GRID1: variants seen among roughly 807,000 people sequenced by gnomAD.
The protein encoded by GRID1 is glutamate ionotropic receptor delta type subunit 1.
GRID1 carries 28 observed loss-of-function variants against 98.0 expected under a neutral mutation model. That is an observed-to-expected ratio of 0.29 (90% confidence interval 0.21 to 0.39). GRID1 has a LOEUF of 0.39. Among genes scored for constraint, GRID1 ranks in the 10% least tolerant of loss-of-function variants. GRID1 has a pLI of 1.00. For synonymous variants in GRID1, 553 were observed against 538.5 expected (o/e 1.03, Z -0.37); for missense variants, 1,111 against 1,340.5 (o/e 0.83, Z 2.67).
chr10:85,985,668 G>T (rs1842600547), intron 4 of GRID1, among the ~76,000 whole-genome samples: 1 of 152,180 alleles, frequency 6.6e-6, no homozygotes, highest in South Asian at 2.1e-4. Context: ...CCTCCTGGTT[G>T]GGCAGCTGTC....
intron 8 of GRID1, among the ~76,000 whole-genome samples, chr10:85,845,926 TA>T (rs1171914535): frequency 6.6e-6 from 1 of 152,146 alleles, no homozygotes; most frequent in Non-Finnish European, 1.5e-5. Flanking sequence ...AAAACCTAAT[TA>T]AGGGCATTAG....
intron 7 of GRID1, among the ~76,000 whole-genome samples, chr10:85,854,903 T>C (rs1843094632): frequency 6.6e-6 from 1 of 152,122 alleles, no homozygotes; most frequent in African/African-American, 2.4e-5. Flanking sequence ...ATGCTAGCCA[T>C]GAGATTAAAC....
intron 5 of GRID1, among the ~76,000 whole-genome samples, chr10:85,888,269 C>A (rs1044849984): frequency 6.6e-6 from 1 of 152,206 alleles, no homozygotes; most frequent in Non-Finnish European, 1.5e-5. Context: ...CATCCACCTC[C>A]TCCATCACAG....
intron 15 of GRID1, among the ~76,000 whole-genome samples, chr10:85,607,850 C>T (rs1212773616): frequency 6.7e-6 from 1 of 149,332 alleles, no homozygotes; most frequent in Non-Finnish European, 1.5e-5. Flanking sequence ...CAGGGTCTCC[C>T]TCTGTCACCC....
chr10:85,992,299 C>A (rs563368674), intron 4 of GRID1, among the ~76,000 whole-genome samples: 9 of 152,286 alleles, frequency 5.9e-5, no homozygotes, highest in African/African-American at 2.2e-4. Flanking sequence ...TCTACAGCAA[C>A]ACTCAGCACT....
At chr10:86,278,657 A>T (rs1312654109) in intron 2 of GRID1, among the ~76,000 whole-genome samples, 1 of 152,208 alleles carries the variant, frequency 6.6e-6, no homozygotes, top group Non-Finnish European at 1.5e-5. Flanking sequence ...ATAAGAATAA[A>T]CTCATCAGCA....
At position 85,624,587 on chromosome 10, in the gene GRID1, G is replaced by C. The variant is rs572566027; in HGVS notation, c.2194-4554C>G. Among the ~76,000 whole-genome samples the C allele has an allele frequency of 2.0e-4, 30 of 152,332 alleles. No individual in the cohort carries two copies. In the South Asian group the frequency reaches 6.0e-3, roughly 31 times the overall value. On this transcript the variant is annotated intron_variant, in intron 13 of 15. Transcript: ENST00000327946. ...ACGTATTTGCAGATCATCTAAGAAAGTAGAGGTCTGAAAACTAATATGTGT... is the reference window on the plus strand; with the variant it reads ...ACGTATTTGCAGATCATCTAAGAAACTAGAGGTCTGAAAACTAATATGTGT...
chr10:86,067,776 T>G (rs980791411), intron 4 of GRID1, among the ~76,000 whole-genome samples: 1 of 152,172 alleles, frequency 6.6e-6, no homozygotes, highest in Non-Finnish European at 1.5e-5. Context: ...ACTCCAGCCC[T>G]TTAGCCTCAA....
chr10:86,051,375 T>C (rs973309502), intron 4 of GRID1, among the ~76,000 whole-genome samples: 1 of 149,698 alleles, frequency 6.7e-6, no homozygotes, highest in African/African-American at 2.4e-5. Flanking sequence ...ATAAAAATAC[T>C]TGTAAGAAAA....
In GRID1 at chr10:86,167,386, G is replaced by C. The variant is rs1292858864; in HGVS notation, c.521-28362C>G. Among the ~76,000 whole-genome samples, 3 of 152,186 alleles carry C rather than the reference G, an allele frequency of 2.0e-5. No homozygotes were observed. In the East Asian group the frequency reaches 5.8e-4, roughly 29 times the overall value. On this transcript the variant is annotated intron_variant, in intron 3 of 15. Transcript: ENST00000327946. ...AGAAGGAACCACCGAGCTGGTCCCA[G>C]AATATGTGCTTGCCCACTCTGGAAG...
At chr10:85,841,118 A>G (rs1842957483) in intron 8 of GRID1, among the ~76,000 whole-genome samples, 6 of 152,238 alleles carry the variant, frequency 3.9e-5, no homozygotes, top group Admixed American at 3.9e-4. Flanking sequence ...CCAAATCAGC[A>G]TGGTACTGGT....
chr10:85,653,284 C>A (rs1840852167), intron 12 of GRID1, among the ~76,000 whole-genome samples: 1 of 152,098 alleles, frequency 6.6e-6, no homozygotes, highest in African/African-American at 2.4e-5. Flanking sequence ...AAGGGTGAGC[C>A]AAAATGATGG....
At position 85,727,964 on chromosome 10, in the gene GRID1, G is replaced by T; in HGVS notation, c.1424C>A (p.Ala475Asp). ...GFSIDVLDAL[A>D]KALGFKYEIY... is the part of the protein sequence containing the mutation. ...CTCATATTTAAAGCCCAGAGCCTTG[G>T]CCAGTGCATCCAGGACATCTATGGA... The change falls in exon 10 of 16, where the codon GCC (alanine) becomes GAC (aspartate). Residue 475 changes from alanine (A) to aspartate (D), a missense_variant. Coordinates refer to ENST00000327946, the MANE Select transcript of GRID1 (RefSeq NM_017551.3). 1 of 1,613,650 alleles carries T rather than the reference G, an allele frequency of 6.2e-7. No individual in the cohort carries two copies. The highest frequency in any genetic ancestry group is 1.3e-5 in the African/African-American group (1 of 74,988).
At chr10:86,160,128 C>G (rs1564693120) in intron 3 of GRID1, among the ~76,000 whole-genome samples, 1 of 152,146 alleles carries the variant, frequency 6.6e-6, no homozygotes, top group East Asian at 1.9e-4. Context: ...AAGCCCTCAA[C>G]TGGGGGATTA....
At chr10:85,940,093 G>A (rs12416088) in intron 4 of GRID1, among the ~76,000 whole-genome samples, 2,658 of 149,672 alleles carry the variant, frequency 0.018, 34 homozygotes, top group Admixed American at 0.035. Flanking sequence ...AAAAAAGAGA[G>A]AGAGAGAGAC....
At chr10:85,880,706 C>A (rs922524772) in intron 5 of GRID1, among the ~76,000 whole-genome samples, 1 of 152,040 alleles carries the variant, frequency 6.6e-6, no homozygotes, top group African/African-American at 2.4e-5. Context: ...CCTTTGAAAA[C>A]TGGCACAAGA....
intron 12 of GRID1, among the ~76,000 whole-genome samples, chr10:85,661,169 ATT>A (rs1261011218): frequency 8.0e-5 from 11 of 137,098 alleles, no homozygotes; most frequent in East Asian, 2.1e-4. Flanking sequence ...TTGAATCTGC[ATT>A]TTTTTTTTTT....
intron 4 of GRID1, among the ~76,000 whole-genome samples, chr10:86,087,851 T>A (rs1253423015): frequency 1.3e-5 from 2 of 151,974 alleles, no homozygotes; most frequent in Non-Finnish European, 2.9e-5. Flanking sequence ...TTCATGGCTC[T>A]GCTCAGGATG....
intron 2 of GRID1, among the ~76,000 whole-genome samples, chr10:86,220,151 A>G (rs530149552): frequency 1.2e-4 from 19 of 152,348 alleles, no homozygotes; most frequent in African/African-American, 4.6e-4. Context: ...TCATTCATTC[A>G]TTCATTCATT....
Sources: gnomAD v4.1 joint callset for allele counts (sites outside exome capture counted in the v4.1 genomes callset) on GRCh38, gnomAD v4.1.1 for gene constraint, MANE v1.5 for transcripts, NCBI Gene and HGNC (gene_info 2026-07-23, HGNC 2026-07-21) for gene names.